The following MYO15B variants were observed in gnomAD, a reference collection of about 807,000 sequenced individuals.
MYO15B encodes the protein myosin XVB.
A neutral mutation model predicts 119.3 loss-of-function variants in MYO15B; 207 were observed. The observed-to-expected ratio is 1.73, with a 90% CI of 1.55 to 1.95. The LOEUF is 1.95. MYO15B is among the 30% of genes most tolerant of loss of function. MYO15B has a pLI of 0.00. For synonymous variants in MYO15B, 966 were observed against 498.9 expected (o/e 1.94, Z -12.48); for missense variants, 2,264 against 1,203.1 (o/e 1.88, Z -13.04).
intron 33 of MYO15B, 51 bp downstream of exon 33, chr17:75,615,093 G>A: frequency 1.4e-6 from 1 of 693,472 alleles, no homozygotes; most frequent in Non-Finnish European, 2.6e-6. Flanking sequence ...CGGCAGCATG[G>A]CAGGCATGGC....
At chr17:75,609,635 C>T (rs1336302954) in intron 21 of MYO15B, among the ~76,000 whole-genome samples, 1 of 151,294 alleles carries the variant, frequency 6.6e-6, no homozygotes, top group Non-Finnish European at 1.5e-5. Flanking sequence ...CTCCCTTCCT[C>T]CCTCTCTCCC....
chr17:75,591,076 G>A, intron 3 of MYO15B, 60 bp downstream of exon 3: 1 of 687,452 alleles, frequency 1.5e-6, no homozygotes. Context: ...GTCCCTGCAT[G>A]TCCCCTTGAC....
chr17:75,624,330 G>A (rs781731524), intron 56 of MYO15B, 40 bp from the exon 57 acceptor site: 97 of 702,730 alleles, frequency 1.4e-4, no homozygotes, highest in African/African-American at 3.5e-5. Flanking sequence ...TCTCCTACAG[G>A]AGACCACTGG....
In MYO15B at chr17:75,625,450, G is replaced by C; in HGVS notation, c.8805-77G>C. On this transcript the variant is annotated intron_variant, in intron 60 of 63. Coordinates refer to ENST00000645453, the Ensembl canonical transcript of MYO15B. ...CTAGTCTTGCCCACAATAGGCACTG[G>C]TTATTTGGCACGTGCTGTATGCCCA... 3 of 689,632 alleles carry C rather than the reference G, an allele frequency of 4.4e-6. No individual in the cohort carries two copies. In the South Asian group the frequency reaches 4.6e-5, roughly 11 times the overall value. The allele number at this position is 689,632 out of a possible 1,614,324, so 42.7% of individuals were successfully genotyped here. A position where few individuals can be genotyped will look rare whatever the true frequency, so the allele number is the denominator to read the frequency against.
intron 32 of MYO15B, 54 bp downstream of exon 32, chr17:75,614,903 C>T: frequency 1.4e-6 from 1 of 702,922 alleles, no homozygotes; most frequent in Non-Finnish European, 2.6e-6. Context: ...GGGGCCTCTG[C>T]TGCCCCTTCC....
intron 9 of MYO15B, among the ~76,000 whole-genome samples, chr17:75,594,055 A>G (rs1223315985): frequency 1.4e-5 from 2 of 142,980 alleles, no homozygotes; most frequent in Non-Finnish European, 3.0e-5. Context: ...GTGCCACTGC[A>G]TTCAGGCCTG....
chr17:75,596,540 G>C (rs1347966711), exon 13 of MYO15B: 1 of 702,948 alleles, frequency 1.4e-6, no homozygotes, highest in African/African-American at 1.7e-5. Flanking sequence ...GCCAGATGCT[G>C]CTGGCCCAGG....
At chr17:75,597,019 G>C (rs1299596067) in intron 14 of MYO15B, 120 bp downstream of exon 14, 2 of 594,086 alleles carry the variant, frequency 3.4e-6, no homozygotes, top group East Asian at 2.8e-5. Context: ...CAGCGACCCT[G>C]ATCACAGTTC....
chr17:75,594,869 G>A (rs1474567876), exon 12 of MYO15B: 7 of 703,052 alleles, frequency 1.0e-5, no homozygotes, highest in East Asian at 5.4e-5. Flanking sequence ...CTGTATTCCC[G>A]CCTCTTCCAC....
intron 21 of MYO15B, among the ~76,000 whole-genome samples, chr17:75,607,716 C>A (rs2057747739): frequency 6.6e-6 from 1 of 152,118 alleles, no homozygotes; most frequent in African/African-American, 2.4e-5. Flanking sequence ...CCGCCTCAGC[C>A]TCTCAAAGTG....
Position 75,621,160 on chromosome 17 carries a change from C to CG in MYO15B, c.7857dup (p.Arg2620GlufsTer10). ...GCAGGAATTCGCCCGGCGTTACTTCCGGAGGTCCCAGGCCTTGTGAGTGCA... is the reference window on the plus strand; with the variant it reads ...GCAGGAATTCGCCCGGCGTTACTTCCGGGAGGTCCCAGGCCTTGTGAGTGCA... On this transcript the variant is annotated frameshift_variant, in exon 50 of 64. Transcript: ENST00000645453. LOFTEE classifies it high-confidence loss of function. The CG allele has an allele frequency of 1.4e-6, 1 of 697,828 alleles. No homozygotes were observed. The highest frequency in any genetic ancestry group is 2.6e-6 in the Non-Finnish European group (1 of 382,020). The allele number at this position is 697,828 out of a possible 1,614,324, so 43.2% of individuals were successfully genotyped here. A position where few individuals can be genotyped will look rare whatever the true frequency, so the allele number is the denominator to read the frequency against.
chr17:75,592,517 G>A (rs533956094), exon 8 of MYO15B: 27 of 606,458 alleles, frequency 4.5e-5, no homozygotes, highest in Middle Eastern at 4.4e-4. Flanking sequence ...TGCAGGGACC[G>A]GAGACTTACT....
At position 75,601,579 on chromosome 17, in the gene MYO15B, G is replaced by A. The variant is rs1189180146; in HGVS notation, c.3651+16G>A. 5.7e-6 allele frequency: 4 copies of A among 702,738 alleles called. No individual in the cohort carries two copies. The highest frequency in any genetic ancestry group is 2.6e-6 in the Non-Finnish European group (1 of 384,762). 43.5% of individuals were successfully genotyped at this position (702,738 alleles called of 1,614,324 possible). On this transcript the variant is annotated intron_variant, in intron 15 of 63. Transcript: ENST00000645453. ...CACCTACCAGGTACCTGGCCTCAGG[G>A]ACAGACCAGGGTGAATCAGCGAGGG...
intron 34 of MYO15B, 38 bp from the exon 35 acceptor site, chr17:75,615,465 A>G: frequency 1.5e-6 from 1 of 675,350 alleles, no homozygotes; most frequent in Non-Finnish European, 2.7e-6. Flanking sequence ...AAGGCTGGCC[A>G]TGGTGCCCAC....
At chr17:75,624,974 G>A in intron 59 of MYO15B, 58 bp downstream of exon 59, 1 of 690,600 alleles carries the variant, frequency 1.4e-6, no homozygotes, top group Non-Finnish European at 2.7e-6. Flanking sequence ...TTCCTGCCTG[G>A]GCGACCTCCA....
exon 27 of MYO15B, chr17:75,613,152 T>C: frequency 1.4e-6 from 1 of 702,450 alleles, no homozygotes; most frequent in African/African-American, 1.7e-5. Flanking sequence ...TGGGCCCTCA[T>C]GGCTGTTTTG....
At chr17:75,595,936 C>T (rs2056830395) in intron 12 of MYO15B, among the ~76,000 whole-genome samples, 2 of 152,236 alleles carry the variant, frequency 1.3e-5, no homozygotes, top group Admixed American at 1.3e-4. Flanking sequence ...TTCTGTCCCA[C>T]AATCCAGTGT....
intron 52 of MYO15B, 178 bp from the exon 53 acceptor site, chr17:75,621,826 C>A: frequency 1.6e-6 from 1 of 611,636 alleles, no homozygotes; most frequent in Non-Finnish European, 2.9e-6. Context: ...GCCTTGGATA[C>A]CCAGGAGCCT....
chr17:75,616,452 G>C lies in MYO15B; in HGVS notation c.6244+6G>C. ...AGAAGTGGAAACAAGAGCAGGTTGT[G>C]GGGAGCTGGGCAGGGCCTGGGGCTC... On this transcript the variant is annotated splice_donor_region_variant and intron_variant, in intron 38 of 63. Transcript: ENST00000645453. The C allele has an allele frequency of 1.5e-6, 1 of 649,268 alleles. No homozygotes were observed. Among genetic ancestry groups the C allele is most frequent in the Admixed American group, 2.4e-5 (1 of 42,468 alleles). The allele number at this position is 649,268 out of a possible 1,614,324, so 40.2% of individuals were successfully genotyped here.
Sources: gnomAD v4.1 joint callset for allele counts (sites outside exome capture counted in the v4.1 genomes callset) on GRCh38, gnomAD v4.1.1 for gene constraint, MANE v1.5 for transcripts, NCBI Gene and HGNC (gene_info 2026-07-23, HGNC 2026-07-21) for gene names.